The following STK32B variants were observed in gnomAD, a reference collection of about 807,000 sequenced individuals.
The protein encoded by STK32B is serine/threonine kinase 32B, also known as serine/threonine-protein kinase 32B.
In STK32B, 43 loss-of-function variants were observed where a neutral mutation model predicts 52.6. The observed-to-expected ratio is 0.82, with a 90% CI of 0.64 to 1.05. The LOEUF is 1.05. Among genes scored for constraint, STK32B ranks in the 50% least tolerant of loss-of-function variants. The pLI is 0.00. For synonymous variants in STK32B, 238 were observed against 204.3 expected, an observed-to-expected ratio of 1.17 and a Z score of -1.41; for missense variants, 621 against 534.6, an observed-to-expected ratio of 1.16 and a Z score of -1.59.
chr4:5,247,887 G>A (rs1454626356), intron 3 of STK32B, among the ~76,000 whole-genome samples: 2 of 152,060 alleles, frequency 1.3e-5, no homozygotes, highest in East Asian at 3.9e-4. Context: ...AGTCTCAGTT[G>A]CAGCTTTTCT....
intron 6 of STK32B, among the ~76,000 whole-genome samples, chr4:5,436,361 C>A (rs1042372307): frequency 6.6e-6 from 1 of 151,684 alleles, no homozygotes; most frequent in African/African-American, 2.4e-5. Flanking sequence ...GCTCAGAATC[C>A]CAGCACTTAG....
intron 3 of STK32B, among the ~76,000 whole-genome samples, chr4:5,245,827 T>G (rs1577238844): frequency 6.6e-6 from 1 of 152,190 alleles, no homozygotes; most frequent in African/African-American, 2.4e-5. Context: ...CTCCTTCACT[T>G]ATGAAGGTTA....
chr4:5,323,689 T>C (rs1731677041), intron 3 of STK32B, among the ~76,000 whole-genome samples: 1 of 152,190 alleles, frequency 6.6e-6, no homozygotes, highest in Non-Finnish European at 1.5e-5. Flanking sequence ...CCACACAGAA[T>C]ATGGGTGTTT....
chr4:5,306,066 G>C (rs537064819), intron 3 of STK32B, among the ~76,000 whole-genome samples: 1 of 152,178 alleles, frequency 6.6e-6, no homozygotes, highest in South Asian at 2.1e-4. Flanking sequence ...CAATCTGAGA[G>C]AGTCCTTGCT....
At chr4:5,290,479 C>A (rs1006262566) in intron 3 of STK32B, among the ~76,000 whole-genome samples, 6 of 152,152 alleles carry the variant, frequency 3.9e-5, no homozygotes, top group African/African-American at 1.4e-4. Context: ...GGGCCAAGAT[C>A]ATCAAGATAT....
At chr4:5,259,509 T>C (rs1726560015) in intron 3 of STK32B, among the ~76,000 whole-genome samples, 1 of 152,296 alleles carries the variant, frequency 6.6e-6, no homozygotes, top group African/African-American at 2.4e-5. Context: ...GGACCTCAGT[T>C]CCCTCATTCT....
At chr4:5,179,982 A>T (rs1720231971) in intron 3 of STK32B, among the ~76,000 whole-genome samples, 1 of 152,164 alleles carries the variant, frequency 6.6e-6, no homozygotes, top group African/African-American at 2.4e-5. Context: ...CATTCCTGAC[A>T]CAGTGGAGGA....
rs367951431 is a variant in STK32B, at chr4:5,332,493, GTTTTA to G, written c.434+1108_434+1112del. On this transcript the variant is annotated intron_variant, in intron 4 of 11. Transcript: ENST00000282908. The stretch of plus-strand genomic sequence containing the variant: ...AAAACTTCTTTTTATTTTTATTTTT[GTTTTA>G]TTTTATTATTATTATACTTTAAGTT... 2.8e-4 allele frequency among the ~76,000 whole-genome samples: 43 copies of G among 152,088 alleles called. No individual in the cohort carries two copies. The East Asian group carries it at 6.2e-3, about 22-fold the overall frequency.
At chr4:5,308,625 T>C (rs555396707) in intron 3 of STK32B, among the ~76,000 whole-genome samples, 2 of 152,192 alleles carry the variant, frequency 1.3e-5, no homozygotes, top group Non-Finnish European at 2.9e-5. Context: ...TCTAATTAGG[T>C]AACCCCATGG....
chr4:5,210,279 A>G (rs931381095), intron 3 of STK32B, among the ~76,000 whole-genome samples: 1 of 151,426 alleles, frequency 6.6e-6, no homozygotes, highest in African/African-American at 2.4e-5. Context: ...GGCTTTCCAT[A>G]TGAGGTCTCT....
chr4:5,246,922 A>G (rs1432866903), intron 3 of STK32B, among the ~76,000 whole-genome samples: 2 of 152,108 alleles, frequency 1.3e-5, no homozygotes, highest in African/African-American at 4.8e-5. Context: ...CTGCCTGATC[A>G]TTCCTCTGGA....
intron 3 of STK32B, among the ~76,000 whole-genome samples, chr4:5,220,551 G>A (rs1723466210): frequency 6.6e-6 from 1 of 152,228 alleles, no homozygotes; most frequent in African/African-American, 2.4e-5. Context: ...ACAGCTTGCA[G>A]TAACAAAATT....
chr4:5,311,741 T>A (rs1292342699), intron 3 of STK32B, among the ~76,000 whole-genome samples: 2 of 151,988 alleles, frequency 1.3e-5, no homozygotes, highest in African/African-American at 4.8e-5. Context: ...AAGGAAAAAA[T>A]GAACACTCCT....
At chr4:5,463,002 C>G (rs1444515902) in intron 9 of STK32B, among the ~76,000 whole-genome samples, 2 of 152,220 alleles carry the variant, frequency 1.3e-5, no homozygotes, top group African/African-American at 4.8e-5. Context: ...CTTCTGCCGT[C>G]TCTGTGACCT....
intron 3 of STK32B, among the ~76,000 whole-genome samples, chr4:5,207,984 G>A (rs1006614929): frequency 1.3e-5 from 2 of 152,124 alleles, no homozygotes; most frequent in African/African-American, 4.8e-5. Flanking sequence ...TTACAGGCAT[G>A]GCTGTATCTA....
At chr4:5,201,615 C>A (rs765475540) in intron 3 of STK32B, among the ~76,000 whole-genome samples, 3 of 152,162 alleles carry the variant, frequency 2.0e-5, no homozygotes, top group Non-Finnish European at 2.9e-5. Context: ...GAGACTGGGT[C>A]ATTTATAAAG....
At chr4:5,468,478 G>T (rs957606014) in intron 11 of STK32B, among the ~76,000 whole-genome samples, 20 of 152,244 alleles carry the variant, frequency 1.3e-4, no homozygotes, top group African/African-American at 4.6e-4. Context: ...CATCAGCCCA[G>T]TGGAGAGGCC....
Position 5,438,691 on chromosome 4 carries a change from C to T in STK32B, c.563-7982C>T, listed in dbSNP as rs570682952. On this transcript the variant is annotated intron_variant, in intron 6 of 11. Coordinates refer to ENST00000282908, the MANE Select transcript of STK32B (RefSeq NM_018401.3). ...TATGTATACATGTGCCATGCTGGTGCGCTGCACCCACTAACTCGTCATCTA... is the reference window on the plus strand; with the variant it reads ...TATGTATACATGTGCCATGCTGGTGTGCTGCACCCACTAACTCGTCATCTA... Among the ~76,000 whole-genome samples, 7 of 152,248 alleles carry T rather than the reference C, an allele frequency of 4.6e-5. No individual in the cohort carries two copies. In the South Asian group the frequency reaches 6.2e-4, roughly 14 times the overall value.
intron 1 of STK32B, among the ~76,000 whole-genome samples, chr4:5,107,128 G>C (rs375978915): frequency 1.3e-5 from 2 of 151,974 alleles, no homozygotes; most frequent in Admixed American, 1.3e-4. Flanking sequence ...CATTAGCTCC[G>C]GCATTAGATT....
Sources: allele counts gnomAD v4.1 joint callset (sites outside exome capture counted in the v4.1 genomes callset), GRCh38; gene constraint gnomAD v4.1.1; transcripts MANE v1.5; gene names NCBI Gene and HGNC (gene_info 2026-07-23, HGNC 2026-07-21).